JMJD1C: variants seen among roughly 807,000 people sequenced by gnomAD.
The protein encoded by JMJD1C is jumonji domain containing 1C.
In JMJD1C, 31 loss-of-function variants were observed where a neutral mutation model predicts 245.3. That is an observed-to-expected ratio of 0.13 (90% confidence interval 0.09 to 0.17). The LOEUF is 0.17. JMJD1C is among the 10% of genes least tolerant of loss of function. JMJD1C has a pLI of 1.00. For missense variants in JMJD1C, 2,691 were observed against 3,000.2 expected (o/e 0.90, Z 2.41); for synonymous variants, 1,057 against 1,017.4 (o/e 1.04, Z -0.74).
chr10:63,458,812 C>T (rs1952591868), intron 1 of JMJD1C, among the ~76,000 whole-genome samples: 1 of 151,918 alleles, frequency 6.6e-6, no homozygotes, highest in East Asian at 1.9e-4. Context: ...CAGCCTTGAC[C>T]TCTCAGGCTC....
At chr10:63,406,807 A>G (rs1949198705) in intron 1 of JMJD1C, among the ~76,000 whole-genome samples, 1 of 152,204 alleles carries the variant, frequency 6.6e-6, no homozygotes, top group African/African-American at 2.4e-5. Context: ...CTTCAAATAT[A>G]TTCCACAGGG....
rs148735943 is a variant in JMJD1C at position 63,398,020 on chromosome 10, G to A, written c.169-17538C>T. ...ACCTTTTGTTACAGAGACAGTAACA[G>A]CAGATTTCCAGGTACTCATCATCCA... On this transcript the variant is annotated intron_variant, in intron 1 of 25. Coordinates refer to ENST00000399262, the MANE Select transcript of JMJD1C (RefSeq NM_032776.3). Among the ~76,000 whole-genome samples the A allele has an allele frequency of 3.9e-5, 6 of 152,286 alleles. 1 individual carries two copies. Among genetic ancestry groups the A allele is most frequent in the African/African-American group, 1.4e-4 (6 of 41,540 alleles).
In JMJD1C at chr10:63,349,100, C is replaced by CAAAAAAAAAA. The variant is rs71463516; in HGVS notation, c.333+31208_333+31217dup. 3.7e-3 allele frequency among the ~76,000 whole-genome samples: 129 copies of CAAAAAAAAAA among 34,864 alleles called. 14 individuals carry two copies. Among genetic ancestry groups the CAAAAAAAAAA allele is most frequent in the Non-Finnish European group, 4.6e-3 (98 of 21,180 alleles). The allele number at this position is 34,864 out of a possible 152,430, so 22.9% of individuals were successfully genotyped here. ...TGGGTGACAGAGTGAGACTCTGTCT[C>CAAAAAAAAAA]AAAAAAAAAAAAAAAAAAAAAAAAA... On this transcript the variant is annotated intron_variant, in intron 2 of 25. Coordinates refer to ENST00000399262, the MANE Select transcript of JMJD1C (RefSeq NM_032776.3).
chr10:63,399,045 T>G (rs907512773), intron 1 of JMJD1C, among the ~76,000 whole-genome samples: 1 of 152,224 alleles, frequency 6.6e-6, no homozygotes, highest in Non-Finnish European at 1.5e-5. Context: ...TTATGAGTTT[T>G]GAAATCGGTT....
chr10:63,332,630 G>A (rs955437185), intron 2 of JMJD1C, among the ~76,000 whole-genome samples: 3 of 152,086 alleles, frequency 2.0e-5, no homozygotes, highest in East Asian at 3.8e-4. Context: ...ATTACAAAAC[G>A]GAGATATCTT....
chr10:63,232,101 G>C (rs770774864), intron 3 of JMJD1C, among the ~76,000 whole-genome samples: 1 of 152,072 alleles, frequency 6.6e-6, no homozygotes, highest in African/African-American at 2.4e-5. Flanking sequence ...GCCTCCCAAA[G>C]TGTTGGAATT....
At chr10:63,430,381 T>C (rs1029140036) in intron 1 of JMJD1C, among the ~76,000 whole-genome samples, 3 of 152,142 alleles carry the variant, frequency 2.0e-5, no homozygotes, top group Non-Finnish European at 4.4e-5. Flanking sequence ...AGCTAAAGAA[T>C]AGAAGAAAAT....
At chr10:63,414,062 C>T (rs1210512482) in intron 1 of JMJD1C, among the ~76,000 whole-genome samples, 2 of 150,518 alleles carry the variant, frequency 1.3e-5, no homozygotes, top group Non-Finnish European at 2.9e-5. Flanking sequence ...TCTTGGCTCA[C>T]TGCAAGCCCC....
chr10:63,390,860 C>G (rs967371874), intron 1 of JMJD1C, among the ~76,000 whole-genome samples: 3 of 152,050 alleles, frequency 2.0e-5, no homozygotes, highest in Non-Finnish European at 4.4e-5. Flanking sequence ...ATAATAAAGG[C>G]CACTTGTGAC....
chr10:63,253,915 C>T (rs1467022518), intron 3 of JMJD1C, among the ~76,000 whole-genome samples: 2 of 152,070 alleles, frequency 1.3e-5, no homozygotes, highest in Non-Finnish European at 2.9e-5. Flanking sequence ...ATGTGTGTTT[C>T]CCCCATTAAA....
chr10:63,284,086 C>T (rs979510861), intron 2 of JMJD1C, among the ~76,000 whole-genome samples: 17 of 151,480 alleles, frequency 1.1e-4, no homozygotes, highest in Admixed American at 6.6e-4. Flanking sequence ...AGTGCAGTGG[C>T]GCAATCTTGG....
chr10:63,405,621 C>T (rs1949123430), intron 1 of JMJD1C, among the ~76,000 whole-genome samples: 1 of 152,136 alleles, frequency 6.6e-6, no homozygotes, highest in Admixed American at 6.6e-5. Context: ...CAGCGCCCAG[C>T]CCCACATGTA....
chr10:63,413,727 AT>A (rs145900506), intron 1 of JMJD1C, among the ~76,000 whole-genome samples: 5,594 of 152,298 alleles, frequency 0.037, 332 homozygotes, highest in East Asian at 0.28. Flanking sequence ...TTTAGGAAGT[AT>A]TTTAACTTTT....
In JMJD1C at chr10:63,214,551, G is replaced by C. The variant is rs1299153048; in HGVS notation, c.1616C>G (p.Pro539Arg). The C allele has an allele frequency of 6.2e-7, 1 of 1,613,722 alleles. No individual in the cohort carries two copies. Among genetic ancestry groups the C allele is most frequent in the South Asian group, 1.1e-5 (1 of 91,054 alleles). The change falls in exon 8 of 26, where the codon CCT (proline) becomes CGT (arginine). Residue 539 changes from proline (P) to arginine (R), a missense_variant. By Grantham distance (103) the Pro-to-Arg change is moderately radical. This residue lies in a region of JMJD1C where 1,562 missense variants were observed against 1,490.7 expected (regional missense o/e 1.05). Transcript: ENST00000399262. ...AGAGTGTTTTGAATCACTAACATTA[G>C]GATCCATTTTCTGAAGTGTCTGAAG... is the stretch of plus-strand genomic sequence containing the variant. The part of the protein sequence containing the change: ...FGLQTLQKMD[P>R]NVSDSKHSIA...
chr10:63,386,262 G>GC (rs1947582299), intron 1 of JMJD1C, among the ~76,000 whole-genome samples: 1 of 152,164 alleles, frequency 6.6e-6, no homozygotes, highest in African/African-American at 2.4e-5. Flanking sequence ...TGTACTGTGG[G>GC]CTACTGCTGC....
intron 1 of JMJD1C, among the ~76,000 whole-genome samples, chr10:63,513,317 T>A (rs1248683852): frequency 6.6e-6 from 1 of 152,104 alleles, no homozygotes; most frequent in East Asian, 1.9e-4. Flanking sequence ...TCAAGATGGA[T>A]TTAAGACTTC....
chr10:63,371,778 T>C (rs963682328), intron 2 of JMJD1C, among the ~76,000 whole-genome samples: 3 of 152,204 alleles, frequency 2.0e-5, no homozygotes, highest in Admixed American at 2.0e-4. Flanking sequence ...GAGTTTATCA[T>C]TTAAAAAGCT....
chr10:63,335,681 C>T (rs1942649614), intron 2 of JMJD1C, among the ~76,000 whole-genome samples: 1 of 152,026 alleles, frequency 6.6e-6, no homozygotes, highest in Non-Finnish European at 1.5e-5. Flanking sequence ...CAGCTAATTT[C>T]TGTATTTTTA....
chr10:63,314,322 G>A (rs564296812), intron 2 of JMJD1C, among the ~76,000 whole-genome samples: 21 of 152,354 alleles, frequency 1.4e-4, no homozygotes, highest in African/African-American at 4.6e-4. Flanking sequence ...CACTTTGGGA[G>A]GCCAAGGCAT....
Sources: allele counts gnomAD v4.1 joint callset (sites outside exome capture counted in the v4.1 genomes callset), GRCh38; gene constraint gnomAD v4.1.1; regional missense constraint gnomAD v4.1.1; transcripts MANE v1.5; gene names NCBI Gene and HGNC (gene_info 2026-07-23, HGNC 2026-07-21).